The following PDILT variants were observed in gnomAD, a reference collection of about 807,000 sequenced individuals.
PDILT encodes the protein protein disulfide isomerase like, testis expressed, also known as protein disulfide-isomerase-like protein of the testis.
A neutral mutation model predicts 53.7 loss-of-function variants in PDILT; 43 were observed. The observed-to-expected ratio is 0.80, with a 90% CI of 0.63 to 1.03. The LOEUF is 1.03. PDILT is among the 50% of genes least tolerant of loss of function. The probability of loss-of-function intolerance (pLI) is 0.00; values close to 1 mark genes in which losing one functional copy is unlikely to be tolerated. For synonymous variants in PDILT, 282 were observed against 274.2 expected (o/e 1.03, Z -0.28); for missense variants, 727 against 712.3 (o/e 1.02, Z -0.24).
At chr16:20,381,272 G>A (rs976236702) in intron 3 of PDILT, among the ~76,000 whole-genome samples, 3 of 152,174 alleles carry the variant, frequency 2.0e-5, no homozygotes, top group Non-Finnish European at 2.9e-5. Flanking sequence ...GATGCGTAAA[G>A]CACTGTCTCC....
rs11639729 is a variant in PDILT at position 20,382,844 on chromosome 16, T to A, written c.409+1801A>T. ...GTAAGGATTTGGATGCAGAGGGGAG[T>A]GCTGTCAATTCTGGCAGTCTCTTTA... is the stretch of plus-strand genomic sequence containing the variant. On this transcript the variant is annotated intron_variant, in intron 3 of 11. Coordinates refer to ENST00000302451, the MANE Select transcript of PDILT (RefSeq NM_174924.2). Among the ~76,000 whole-genome samples the A allele has an allele frequency of 5.2e-3, 785 of 152,144 alleles. 16 individuals carry two copies. In the South Asian group the frequency reaches 0.062, roughly 12 times the overall value.
In PDILT at chr16:20,369,591, T is replaced by C; in HGVS notation, c.1017A>G (p.Leu339=). 1 of 1,614,216 alleles carries C rather than the reference T, an allele frequency of 6.2e-7. No individual in the cohort carries two copies. Residue 339 remains leucine (L), a synonymous_variant, in exon 8 of 12, where the codon CTA becomes CTG. Transcript: ENST00000302451. ...TGTACCTGGCGTCAGAGCTCAAGTTTAGGATTTGGACGGATGGGATATCGA... is the reference window on the plus strand; with the variant it reads ...TGTACCTGGCGTCAGAGCTCAAGTTCAGGATTTGGACGGATGGGATATCGA... ...TEVDIPSVQI[L]NLSSDARYKM...
chr16:20,399,736 C>T (rs954998718), intron 1 of PDILT, among the ~76,000 whole-genome samples: 3 of 149,322 alleles, frequency 2.0e-5, no homozygotes, highest in Non-Finnish European at 4.4e-5. Flanking sequence ...ACTTCACCCT[C>T]CTCCAGCTCC....
At chr16:20,381,893 T>A (rs1177292935) in intron 3 of PDILT, among the ~76,000 whole-genome samples, 2 of 152,176 alleles carry the variant, frequency 1.3e-5, no homozygotes, top group Admixed American at 1.3e-4. Context: ...TCTAAAACTT[T>A]TATTATTATT....
intron 3 of PDILT, among the ~76,000 whole-genome samples, 166 bp from the exon 4 acceptor site, chr16:20,376,367 A>G (rs1468074319): frequency 2.0e-5 from 3 of 152,212 alleles, no homozygotes; most frequent in Non-Finnish European, 4.4e-5. Flanking sequence ...AGCTCCAAGC[A>G]CGAACATTAA....
intron 8 of PDILT, among the ~76,000 whole-genome samples, chr16:20,368,489 G>A (rs910341739): frequency 6.6e-6 from 1 of 152,074 alleles, no homozygotes. Flanking sequence ...GGCTATAGGG[G>A]CAGCTGTGTC....
intron 2 of PDILT, among the ~76,000 whole-genome samples, chr16:20,396,575 G>A (rs550644797): frequency 5.3e-5 from 8 of 152,306 alleles, no homozygotes; most frequent in African/African-American, 1.9e-4. Context: ...AATCCCTCGT[G>A]CACTCAAAGA....
chr16:20,367,031 C>A lies in PDILT; in HGVS notation c.1117-1491G>T, dbSNP rs1354933596. Among the ~76,000 whole-genome samples, 79 of 10,102 alleles carry A rather than the reference C, an allele frequency of 7.8e-3. 4 individuals carry two copies. Among genetic ancestry groups the A allele is most frequent in the African/African-American group, 0.018 (62 of 3,438 alleles). The allele number at this position is 10,102 out of a possible 152,430, so 6.6% of individuals were successfully genotyped here. On this transcript the variant is annotated intron_variant, in intron 8 of 11. Transcript: ENST00000302451. ...TTATTTCTCTCTCTCTTTCTTCTTT[C>A]TTTCTTTCTTTCTTTCTTTCTTTCT...
Position 20,366,988 on chromosome 16 carries a change from C to CTATTTATTTATTTA in PDILT, c.1117-1449_1117-1448insTAAATAAATAAATA, listed in dbSNP as rs1567320487. Among the ~76,000 whole-genome samples the CTATTTATTTATTTA allele has an allele frequency of 5.2e-4, 43 of 83,438 alleles. 1 individual carries two copies. Among genetic ancestry groups the CTATTTATTTATTTA allele is most frequent in the African/African-American group, 2.1e-3 (43 of 20,228 alleles). 54.7% of individuals were successfully genotyped at this position (83,438 alleles called of 152,430 possible). A position where few individuals can be genotyped will look rare whatever the true frequency, so the allele number is the denominator to read the frequency against. On this transcript the variant is annotated intron_variant, in intron 8 of 11. Transcript: ENST00000302451. ...CCTTCCTTCCTTCCTTCCTTCCTTC[C>CTATTTATTTATTTA]TTTCTTTCTTTCTTTATTTATTTCT... is the stretch of plus-strand genomic sequence containing the variant.
Position 20,404,607 on chromosome 16 carries a change from G to A in PDILT, c.-119C>T, listed in dbSNP as rs945960059. 2.0e-5 allele frequency: 3 copies of A among 152,266 alleles called. No individual in the cohort carries two copies. The highest frequency in any genetic ancestry group is 2.0e-4 in the Admixed American group (3 of 15,274). 9.4% of individuals were successfully genotyped at this position (152,266 alleles called of 1,614,324 possible). A position where few individuals can be genotyped will look rare whatever the true frequency, so the allele number is the denominator to read the frequency against. On this transcript the variant is annotated 5_prime_UTR_variant, in exon 1 of 12. Transcript: ENST00000302451. ...AGAAGGAAGGTTGTAGCCTGAAGAG[G>A]AGGCTCCTGGCTTCTCCTTGTGATC...
At chr16:20,359,703 T>C in intron 11 of PDILT, 136 bp from the exon 12 acceptor site, 1 of 874,652 alleles carries the variant, frequency 1.1e-6, no homozygotes, top group Non-Finnish European at 1.7e-6. Flanking sequence ...AGAGAATCAG[T>C]CTTTGGACTG....
At chr16:20,360,479 A>T in intron 11 of PDILT, 89 bp downstream of exon 11, 1 of 1,198,880 alleles carries the variant, frequency 8.3e-7, no homozygotes, top group South Asian at 1.3e-5. Context: ...AAGATTATGG[A>T]ACTCCAGCCA....
intron 1 of PDILT, among the ~76,000 whole-genome samples, chr16:20,401,081 A>G (rs1472645685): frequency 6.6e-6 from 1 of 152,202 alleles, no homozygotes; most frequent in African/African-American, 2.4e-5. Flanking sequence ...ACAAAGGGCA[A>G]GTGGAGAAAA....
chr16:20,380,644 C>T (rs1231577511), intron 3 of PDILT, among the ~76,000 whole-genome samples: 1 of 152,212 alleles, frequency 6.6e-6, no homozygotes, highest in Admixed American at 6.5e-5. Flanking sequence ...CCGAGCTACC[C>T]TATTTTCTTC....
At chr16:20,372,144 CTT>C (rs1966316032) in intron 7 of PDILT, among the ~76,000 whole-genome samples, 1 of 152,084 alleles carries the variant, frequency 6.6e-6, no homozygotes, top group Admixed American at 6.5e-5. Flanking sequence ...TAGGGGAAAC[CTT>C]TGTTTCTAAT....
chr16:20,398,473 T>C lies in PDILT; in HGVS notation c.202+626A>G, dbSNP rs771707421. Among the ~76,000 whole-genome samples the C allele has an allele frequency of 3.4e-4, 52 of 151,948 alleles. 1 individual carries two copies. The highest frequency in any genetic ancestry group is 3.8e-4 in the Non-Finnish European group (26 of 67,984). ...CCTGTCTCTACTAAAAATACAAAAATTACAAAAGTTAGCTGGGTGTGGTGG... is the reference window on the plus strand; with the variant it reads ...CCTGTCTCTACTAAAAATACAAAAACTACAAAAGTTAGCTGGGTGTGGTGG... On this transcript the variant is annotated intron_variant, in intron 2 of 11. Transcript: ENST00000302451.
At chr16:20,385,788 T>A (rs1049001225) in intron 2 of PDILT, among the ~76,000 whole-genome samples, 1 of 152,190 alleles carries the variant, frequency 6.6e-6, no homozygotes, top group Non-Finnish European at 1.5e-5. Flanking sequence ...TGATCACATT[T>A]ATGGAATTGT....
chr16:20,398,952 T>C (rs1015691233), intron 2 of PDILT, 147 bp downstream of exon 2: 8 of 859,370 alleles, frequency 9.3e-6, no homozygotes, highest in Non-Finnish European at 1.4e-5. Context: ...AGATTGGAGA[T>C]GATGCTGTCT....
chr16:20,365,593 G>T (rs921306208), intron 8 of PDILT, 53 bp from the exon 9 acceptor site: 2 of 1,587,356 alleles, frequency 1.3e-6, no homozygotes, highest in Admixed American at 1.8e-5. Flanking sequence ...TCTTGAAGTT[G>T]TGGGGCTCCC....
Sources: allele counts gnomAD v4.1 joint callset (sites outside exome capture counted in the v4.1 genomes callset), GRCh38; gene constraint gnomAD v4.1.1; transcripts MANE v1.5; gene names NCBI Gene and HGNC (gene_info 2026-07-23, HGNC 2026-07-21).